The following PDE8B variants were observed in gnomAD, a reference collection of about 807,000 sequenced individuals.
PDE8B encodes the protein high affinity cAMP-specific and IBMX-insensitive 3',5'-cyclic phosphodiesterase 8B.
A neutral mutation model predicts 101.3 loss-of-function variants in PDE8B; 26 were observed. That is an observed-to-expected ratio of 0.26 (90% CI 0.19 to 0.36). PDE8B has a LOEUF of 0.36. Among genes scored for constraint, PDE8B ranks in the 10% least tolerant of loss-of-function variants. PDE8B has a pLI of 1.00. For synonymous variants in PDE8B, 424 were observed against 429.3 expected, an observed-to-expected ratio of 0.99 and a Z score of 0.15; for missense variants, 810 against 1,163.1, an observed-to-expected ratio of 0.70 and a Z score of 4.42.
chr5:77,094,141 A>G, the PDE8B span, among the ~76,000 whole-genome samples: 1 of 152,142 alleles, frequency 6.6e-6, no homozygotes, highest in South Asian at 2.1e-4. Context: ...AATGGAATTA[A>G]AAGATAAAAA....
the PDE8B span, among the ~76,000 whole-genome samples, chr5:77,179,835 A>T: frequency 6.6e-6 from 1 of 152,182 alleles, no homozygotes; most frequent in Non-Finnish European, 1.5e-5. Context: ...TGTCAGGATT[A>T]CAGGCCTGAG....
At chr5:77,400,339 G>A in intron 11 of PDE8B, 49 bp downstream of exon 11, 2 of 1,154,412 alleles carry the variant, frequency 1.7e-6, no homozygotes, top group Non-Finnish European at 2.6e-6. Flanking sequence ...GCAGCTGTGG[G>A]TTCAAATGTA....
the PDE8B span, among the ~76,000 whole-genome samples, chr5:77,128,719 C>T: frequency 6.6e-6 from 1 of 152,232 alleles, no homozygotes; most frequent in Non-Finnish European, 1.5e-5. Context: ...CACGAAACAT[C>T]ATCAGCTCAT....
the PDE8B span, among the ~76,000 whole-genome samples, chr5:77,117,456 C>G: frequency 3.1e-3 from 478 of 152,274 alleles, 3 homozygotes; most frequent in African/African-American, 0.011. Context: ...CCATCTTTAC[C>G]TTTACCATGA....
the PDE8B span, chr5:77,144,688 G>C: frequency 6.6e-6 from 1 of 151,878 alleles, no homozygotes; most frequent in Non-Finnish European, 1.5e-5. Flanking sequence ...GATCAGGAAA[G>C]GCAGTCTTTG....
At chr5:77,103,487 G>T in the PDE8B span, among the ~76,000 whole-genome samples, 1 of 152,180 alleles carries the variant, frequency 6.6e-6, no homozygotes, top group African/African-American at 2.4e-5. Context: ...CACGGGAATA[G>T]CAGGAATGCT....
intron 10 of PDE8B, among the ~76,000 whole-genome samples, chr5:77,374,411 GT>G (rs891594263): frequency 6.3e-4 from 95 of 150,342 alleles, no homozygotes; most frequent in African/African-American, 2.2e-3. Context: ...TTTAACATCT[GT>G]TTTTTTTGTT....
chr5:77,426,276 G>T (rs188005676), intron 21 of PDE8B, 169 bp from the exon 22 acceptor site: 8 of 656,160 alleles, frequency 1.2e-5, no homozygotes, highest in Admixed American at 2.4e-5. Context: ...TTTCAAAAAG[G>T]ACCTGTTTGC....
At chr5:77,204,268 A>G in the PDE8B span, among the ~76,000 whole-genome samples, 22,969 of 151,610 alleles carry the variant, frequency 0.15, 1,899 homozygotes, top group African/African-American at 0.22. Context: ...AAAATTAGCC[A>G]GGTGTGGTGG....
intron 10 of PDE8B, among the ~76,000 whole-genome samples, chr5:77,372,168 C>T (rs923367989): frequency 1.3e-5 from 2 of 152,076 alleles, no homozygotes; most frequent in Admixed American, 1.3e-4. Flanking sequence ...CCACTGCACT[C>T]CAGCCTGGGT....
chr5:77,316,186 T>C (rs773675846), intron 2 of PDE8B, among the ~76,000 whole-genome samples: 4 of 152,210 alleles, frequency 2.6e-5, no homozygotes, highest in Non-Finnish European at 5.9e-5. Flanking sequence ...CATTTTCTTT[T>C]CTCTAATATA....
the PDE8B span, among the ~76,000 whole-genome samples, chr5:77,153,572 C>CTTTTTT: frequency 2.3e-5 from 3 of 131,470 alleles, 1 homozygote; most frequent in Non-Finnish European, 4.8e-5. Context: ...CAGCTTTACT[C>CTTTTTT]TTTTTTTTTT....
chr5:77,090,554 T>A, the PDE8B span, among the ~76,000 whole-genome samples: 1,981 of 152,346 alleles, frequency 0.013, 46 homozygotes, highest in African/African-American at 0.045. Flanking sequence ...ATTACAGGCG[T>A]GAGCCACCGC....
intron 10 of PDE8B, among the ~76,000 whole-genome samples, chr5:77,393,304 G>GA (rs1251387892): frequency 5.3e-5 from 8 of 151,786 alleles, no homozygotes; most frequent in Admixed American, 5.2e-4. Context: ...TGAGGCCTGA[G>GA]AATAGTTTGG....
chr5:77,133,412 CT>C, the PDE8B span, among the ~76,000 whole-genome samples: 3 of 152,196 alleles, frequency 2.0e-5, no homozygotes, highest in Non-Finnish European at 2.9e-5. Flanking sequence ...TTTTAAGCCA[CT>C]GAATTTTTGG....
the PDE8B span, among the ~76,000 whole-genome samples, chr5:77,196,053 C>G: frequency 6.6e-6 from 1 of 152,252 alleles, no homozygotes; most frequent in East Asian, 1.9e-4. Flanking sequence ...TGCTCTTTGG[C>G]CACTTGTATA....
At chr5:77,175,505 A>G in the PDE8B span, among the ~76,000 whole-genome samples, 1 of 152,178 alleles carries the variant, frequency 6.6e-6, no homozygotes, top group Non-Finnish European at 1.5e-5. Flanking sequence ...ATCCCCTCCC[A>G]GGGAAGCCTT....
In PDE8B at chr5:77,217,301, AT is replaced by A. The variant is rs1006566126; in HGVS notation, c.339+6045del. On this transcript the variant is annotated intron_variant, in intron 1 of 21. Coordinates refer to ENST00000264917, the MANE Select transcript of PDE8B (RefSeq NM_003719.5). Reference sequence around the variant, plus strand: ...GGACCCTGTCTTATCAGTTTATTCCATTTTTTTTCTCAGTTTTTACTTTCCC... The same window carrying A: ...GGACCCTGTCTTATCAGTTTATTCCATTTTTTTCTCAGTTTTTACTTTCCC... Among the ~76,000 whole-genome samples the A allele has an allele frequency of 2.0e-4, 30 of 149,554 alleles. No individual in the cohort carries two copies. In the East Asian group the frequency reaches 2.7e-3, roughly 14 times the overall value.
intron 9 of PDE8B, 152 bp downstream of exon 9, chr5:77,351,305 C>T (rs924702427): frequency 2.1e-5 from 15 of 702,458 alleles, no homozygotes; most frequent in East Asian, 5.4e-5. Flanking sequence ...TCCACTCAGC[C>T]GGCAGCAACC....
Sources: allele counts gnomAD v4.1 joint callset (sites outside exome capture counted in the v4.1 genomes callset), GRCh38; gene constraint gnomAD v4.1.1; transcripts MANE v1.5; gene names NCBI Gene and HGNC (gene_info 2026-07-23, HGNC 2026-07-21).